SLC24A2: variants seen among roughly 807,000 people sequenced by gnomAD.
SLC24A2 encodes sodium/potassium/calcium exchanger 2.
In SLC24A2, 36 loss-of-function variants were observed where a neutral mutation model predicts 62.0. The observed-to-expected ratio is 0.58, with a 90% confidence interval of 0.44 to 0.77. The LOEUF is 0.77. SLC24A2 is among the 30% of genes least tolerant of loss of function. The probability of loss-of-function intolerance (pLI) is 0.00; values close to 1 mark genes in which losing one functional copy is unlikely to be tolerated. For missense variants in SLC24A2, 846 were observed against 817.9 expected (o/e 1.03, Z -0.42); for synonymous variants, 358 against 294.0 (o/e 1.22, Z -2.23).
chr9:19,564,254 C>T (rs977125590), intron 7 of SLC24A2, among the ~76,000 whole-genome samples: 2 of 151,918 alleles, frequency 1.3e-5, no homozygotes, highest in African/African-American at 4.8e-5. Flanking sequence ...ATTAAAAAAC[C>T]ACACTCACTT....
chr9:19,521,150 G>T, intron 9 of SLC24A2, 90 bp from the exon 10 acceptor site: 1 of 1,140,286 alleles, frequency 8.8e-7, no homozygotes, highest in Non-Finnish European at 1.3e-6. Context: ...TCCTTTTAAT[G>T]CATTTCTATA....
At chr9:19,658,579 A>G (rs1819006540) in intron 2 of SLC24A2, among the ~76,000 whole-genome samples, 1 of 152,216 alleles carries the variant, frequency 6.6e-6, no homozygotes, top group South Asian at 2.1e-4. Context: ...GGATAAGTTA[A>G]CAGGTTAGGT....
At chr9:19,813,259 C>T in the SLC24A2 span, among the ~76,000 whole-genome samples, 1 of 151,932 alleles carries the variant, frequency 6.6e-6, no homozygotes, top group Non-Finnish European at 1.5e-5. Flanking sequence ...TGGGCAAATA[C>T]CCTCAGAGAG....
chr9:19,751,028 C>T (rs2118809051), intron 2 of SLC24A2, among the ~76,000 whole-genome samples: 1 of 152,300 alleles, frequency 6.6e-6, no homozygotes, highest in South Asian at 2.1e-4. Flanking sequence ...CTGTGCCTGC[C>T]TTCACTATGG....
chr9:19,889,912 T>TG, the SLC24A2 span, among the ~76,000 whole-genome samples: 5 of 152,376 alleles, frequency 3.3e-5, no homozygotes, highest in East Asian at 9.6e-4. Flanking sequence ...TTCTACCGAC[T>TG]ATCTCTTATC....
chr9:19,809,505 C>A, the SLC24A2 span, among the ~76,000 whole-genome samples: 274 of 152,118 alleles, frequency 1.8e-3, 1 homozygote, highest in African/African-American at 5.9e-3. Context: ...TAATGAAAAG[C>A]AGCCCCAAAT....
chr9:20,292,294 T>A, the SLC24A2 span, among the ~76,000 whole-genome samples: 7 of 152,236 alleles, frequency 4.6e-5, no homozygotes, highest in Non-Finnish European at 1.0e-4. Flanking sequence ...AATCAATCAC[T>A]TTCATGGAAA....
chr9:19,834,150 A>C, the SLC24A2 span, among the ~76,000 whole-genome samples: 1 of 152,102 alleles, frequency 6.6e-6, no homozygotes. Flanking sequence ...AAAACTGGAA[A>C]CTCTAAAAAT....
chr9:19,705,527 C>A, intron 2 of SLC24A2: 1 of 227,228 alleles, frequency 4.4e-6, no homozygotes. Flanking sequence ...CCAGCAGATC[C>A]AGCTTGCCCA....
the SLC24A2 span, among the ~76,000 whole-genome samples, chr9:20,045,735 G>A: frequency 6.6e-6 from 1 of 152,092 alleles, no homozygotes; most frequent in Non-Finnish European, 1.5e-5. Flanking sequence ...TGGGCCACAT[G>A]TTATTAATAC....
At chr9:20,086,773 A>G in the SLC24A2 span, among the ~76,000 whole-genome samples, 1 of 152,152 alleles carries the variant, frequency 6.6e-6, no homozygotes, top group African/African-American at 2.4e-5. Flanking sequence ...TGAGAAAATT[A>G]TTATGCTTTT....
At chr9:20,206,438 G>A in the SLC24A2 span, among the ~76,000 whole-genome samples, 4 of 151,300 alleles carry the variant, frequency 2.6e-5, no homozygotes, top group African/African-American at 9.7e-5. Flanking sequence ...ACGGTAAGAT[G>A]CAGTAATTTT....
At chr9:20,095,184 T>C in the SLC24A2 span, among the ~76,000 whole-genome samples, 1 of 152,222 alleles carries the variant, frequency 6.6e-6, no homozygotes, top group Non-Finnish European at 1.5e-5. Context: ...GTATCCTATC[T>C]ATGTTAACAT....
chr9:19,941,200 G>A, the SLC24A2 span, among the ~76,000 whole-genome samples: 19 of 152,048 alleles, frequency 1.2e-4, no homozygotes, highest in Non-Finnish European at 2.2e-4. Context: ...GGAATGGGGA[G>A]AATTTTGCCC....
chr9:20,245,815 T>C, the SLC24A2 span, among the ~76,000 whole-genome samples: 5 of 152,318 alleles, frequency 3.3e-5, no homozygotes, highest in South Asian at 8.3e-4. Flanking sequence ...TAGCTAACTT[T>C]TACTGTGTGC....
intron 2 of SLC24A2, among the ~76,000 whole-genome samples, chr9:19,739,065 C>T (rs549849747): frequency 2.0e-4 from 30 of 152,246 alleles, no homozygotes; most frequent in African/African-American, 6.3e-4. Context: ...TGCAGTGAGC[C>T]GAGATCGTGC....
chr9:19,786,716 T>C lies in SLC24A2; in HGVS notation c.151A>G (p.Thr51Ala). The change falls in exon 2 of 11, where the codon ACT becomes GCT. Residue 51 changes from threonine (T) to alanine (A), a missense_variant. By Grantham distance (58) the Thr-to-Ala change is moderately conservative. Coordinates refer to ENST00000341998, the MANE Select transcript of SLC24A2 (RefSeq NM_020344.4). The surrounding 1 kb of genome is among the most constrained non-coding windows in gnomAD (Gnocchi z 5.0). ...GLFMGLVAISTVSFSISAFSE... is the reference protein window; with the variant it reads ...GLFMGLVAISAVSFSISAFSE... ...AAGGCACTGATTGAAAATGAGACAG[T>C]GCTAATGGCTACCAGACCCATGAAA... is the stretch of plus-strand genomic sequence containing the variant. 1 of 1,609,970 alleles carries C rather than the reference T, an allele frequency of 6.2e-7. No individual in the cohort carries two copies. The highest frequency in any genetic ancestry group is 8.5e-7 in the Non-Finnish European group (1 of 1,177,488).
At chr9:19,603,253 TAAATTG>T (rs1836888549) in intron 4 of SLC24A2, among the ~76,000 whole-genome samples, 1 of 152,310 alleles carries the variant, frequency 6.6e-6, no homozygotes. Context: ...TGCTTGTCTA[TAAATTG>T]AAAGATTACA....
At chr9:20,294,759 A>G in the SLC24A2 span, among the ~76,000 whole-genome samples, 1 of 152,142 alleles carries the variant, frequency 6.6e-6, no homozygotes. Context: ...AAAGAGAAAT[A>G]AGGCACCATC....
Sources: gnomAD v4.1 joint callset for allele counts (sites outside exome capture counted in the v4.1 genomes callset) on GRCh38, gnomAD v4.1.1 for gene constraint, Gnocchi (gnomAD v3.1) non-coding constraint, MANE v1.5 for transcripts, NCBI Gene and HGNC (gene_info 2026-07-23, HGNC 2026-07-21) for gene names.